NFXL1: variants seen among roughly 807,000 people sequenced by gnomAD.
NFXL1 encodes NF-X1-type zinc finger protein NFXL1.
In NFXL1, 66 loss-of-function variants were observed where a neutral mutation model predicts 123.3. That is an observed-to-expected ratio of 0.54 (90% CI 0.44 to 0.66). The LOEUF (loss-of-function observed/expected upper bound fraction) is 0.66. NFXL1 is among the 30% of genes least tolerant of loss of function. NFXL1 has a pLI of 0.00. For missense variants in NFXL1, 944 were observed against 1,125.6 expected, an observed-to-expected ratio of 0.84 and a Z score of 2.31; for synonymous variants, 346 against 360.8, an observed-to-expected ratio of 0.96 and a Z score of 0.46.
chr4:47,881,114 TATAG>T (rs1736090455), intron 15 of NFXL1, among the ~76,000 whole-genome samples: 1 of 152,066 alleles, frequency 6.6e-6, no homozygotes, highest in African/African-American at 2.4e-5. Flanking sequence ...AATGGATATC[TATAG>T]ATATAGATAT....
At chr4:47,871,777 A>C (rs1020369254) in intron 18 of NFXL1, among the ~76,000 whole-genome samples, 14 of 152,316 alleles carry the variant, frequency 9.2e-5, no homozygotes, top group African/African-American at 3.4e-4. Flanking sequence ...GAAAAGAATA[A>C]AATTTGTCTT....
intron 12 of NFXL1, among the ~76,000 whole-genome samples, chr4:47,886,649 G>A (rs935874299): frequency 1.3e-5 from 2 of 152,086 alleles, no homozygotes; most frequent in Non-Finnish European, 2.9e-5. Context: ...GTGTACAGGC[G>A]TGAGCCACTG....
At chr4:47,911,797 A>C (rs1737839774) in intron 2 of NFXL1, among the ~76,000 whole-genome samples, 1 of 152,224 alleles carries the variant, frequency 6.6e-6, no homozygotes, top group African/African-American at 2.4e-5. Flanking sequence ...AGAAACTTCA[A>C]ACTTCTTGAG....
At chr4:47,900,481 A>C (rs1737311760) in intron 5 of NFXL1, among the ~76,000 whole-genome samples, 1 of 152,254 alleles carries the variant, frequency 6.6e-6, no homozygotes, top group South Asian at 2.1e-4. Context: ...AAGTGCTGGG[A>C]TTACAGGCGT....
chr4:47,898,640 G>C, intron 8 of NFXL1, 117 bp downstream of exon 8: 1 of 666,984 alleles, frequency 1.5e-6, no homozygotes, highest in Non-Finnish European at 2.7e-6. Context: ...ATTCATCTGA[G>C]TTGCTATTCT....
At chr4:47,893,937 A>C (rs1421666228) in intron 11 of NFXL1, among the ~76,000 whole-genome samples, 1 of 151,918 alleles carries the variant, frequency 6.6e-6, no homozygotes, top group Non-Finnish European at 1.5e-5. Context: ...GTGATCAGAA[A>C]TATCAAGCTG....
At chr4:47,899,704 A>T (rs1737278597) in intron 5 of NFXL1, among the ~76,000 whole-genome samples, 156 bp from the exon 6 acceptor site, 1 of 152,212 alleles carries the variant, frequency 6.6e-6, no homozygotes, top group Non-Finnish European at 1.5e-5. Flanking sequence ...ATCTTATTAA[A>T]ATCTATTTCA....
chr4:47,906,884 ACT>A (rs1474389406), intron 3 of NFXL1, among the ~76,000 whole-genome samples: 3 of 152,204 alleles, frequency 2.0e-5, no homozygotes, highest in East Asian at 3.8e-4. Context: ...TAAAAAGATG[ACT>A]CTGGCAACTA....
At chr4:47,854,388 C>A (rs940451051) in intron 20 of NFXL1, among the ~76,000 whole-genome samples, 6 of 151,938 alleles carry the variant, frequency 3.9e-5, no homozygotes, top group Non-Finnish European at 7.4e-5. Context: ...GTAAGCACTG[C>A]CAACAGGGAA....
At chr4:47,887,420 A>C (rs1560596031) in intron 12 of NFXL1, among the ~76,000 whole-genome samples, 1 of 152,232 alleles carries the variant, frequency 6.6e-6, no homozygotes, top group Non-Finnish European at 1.5e-5. Flanking sequence ...TTATAATTCA[A>C]ATAATGAACA....
At position 47,880,055 on chromosome 4, in the gene NFXL1, G is replaced by A. The variant is rs118184267; in HGVS notation, c.1917-938C>T. Among the ~76,000 whole-genome samples the A allele has an allele frequency of 2.4e-4, 37 of 151,970 alleles. No homozygotes were observed. The East Asian group carries it at 6.2e-3, about 25-fold the overall frequency. On this transcript the variant is annotated intron_variant, in intron 15 of 22. Transcript: ENST00000507489. The stretch of plus-strand genomic sequence containing the variant: ...CATGAAATAAAAATGGATGATAGAC[G>A]TCATTATACTAAAAATTACAGCTCT...
intron 11 of NFXL1, 50 bp from the exon 12 acceptor site, chr4:47,890,753 T>A: frequency 1.0e-6 from 1 of 995,574 alleles, no homozygotes; most frequent in African/African-American, 1.6e-5. Flanking sequence ...AACCCATGAA[T>A]AATAGGCATG....
rs1184404527 is a variant in NFXL1 at position 47,884,350 on chromosome 4, G to T, written c.1912C>A (p.Pro638Thr). ...LPCPPCQVPI[P>T]MECLGKHEVS... ...AATTGAAATTCTAATACTTACATAGGAATAGGAACTTGACATGGAGGACAC... is the reference window on the plus strand; with the variant it reads ...AATTGAAATTCTAATACTTACATAGTAATAGGAACTTGACATGGAGGACAC... Residue 638 changes from proline to threonine, a missense_variant, in exon 15 of 23, where the codon CCT (proline) becomes ACT (threonine). By Grantham distance (38) the Pro-to-Thr change is conservative (BLOSUM62 -1). Coordinates refer to ENST00000507489, the MANE Select transcript of NFXL1 (RefSeq NM_001278624.2). The T allele has an allele frequency of 1.5e-5, 23 of 1,567,190 alleles. No homozygotes were observed. The highest frequency in any genetic ancestry group is 3.4e-5 in the Admixed American group (2 of 58,322).
At chr4:47,851,017 C>T (rs1734087168) in intron 22 of NFXL1, 78 bp downstream of exon 22, 17 of 1,073,704 alleles carry the variant, frequency 1.6e-5, no homozygotes, top group Admixed American at 7.0e-5. Flanking sequence ...TTAGTTTGAC[C>T]TTGGAATATA....
chr4:47,908,247 C>G (rs1190439516), intron 3 of NFXL1, among the ~76,000 whole-genome samples: 1 of 152,108 alleles, frequency 6.6e-6, no homozygotes, highest in Non-Finnish European at 1.5e-5. Flanking sequence ...CAGGAAAACA[C>G]TGTCTCTACA....
chr4:47,884,596 T>A (rs542335649), intron 14 of NFXL1, among the ~76,000 whole-genome samples, 159 bp from the exon 15 acceptor site: 31 of 152,350 alleles, frequency 2.0e-4, no homozygotes, highest in Admixed American at 2.0e-3. Flanking sequence ...TCATTTTATC[T>A]GTATTAAATG....
chr4:47,859,841 C>CA lies in NFXL1; in HGVS notation c.2316+3004dup, dbSNP rs938207203. On this transcript the variant is annotated intron_variant, in intron 19 of 22. Transcript: ENST00000507489. ...CAGGCAACAGAGTGAGACTCCATCTCAAAAAAAAAAAAAAAAAAAAAAAAA... is the reference window on the plus strand; with the variant it reads ...CAGGCAACAGAGTGAGACTCCATCTCAAAAAAAAAAAAAAAAAAAAAAAAAA... Among the ~76,000 whole-genome samples, 52 of 14,304 alleles carry CA rather than the reference C, an allele frequency of 3.6e-3. 7 individuals are homozygous for CA. Among genetic ancestry groups the CA allele is most frequent in the African/African-American group, 6.6e-3 (26 of 3,938 alleles). The allele number at this position is 14,304 out of a possible 152,430, so 9.4% of individuals were successfully genotyped here. A position where few individuals can be genotyped will look rare whatever the true frequency, so the allele number is the denominator to read the frequency against.
chr4:47,853,922 G>A (rs1461953197), intron 20 of NFXL1, among the ~76,000 whole-genome samples: 7 of 152,216 alleles, frequency 4.6e-5, no homozygotes, highest in East Asian at 3.9e-4. Flanking sequence ...AATGGGTCAC[G>A]AAGTTGTGGC....
intron 11 of NFXL1, among the ~76,000 whole-genome samples, 167 bp downstream of exon 11, chr4:47,894,013 C>A (rs958133561): frequency 6.6e-6 from 1 of 151,856 alleles, no homozygotes; most frequent in Non-Finnish European, 1.5e-5. Flanking sequence ...CCCACTAGTA[C>A]AAAAATTACC....
Sources: gnomAD v4.1 joint callset for allele counts (sites outside exome capture counted in the v4.1 genomes callset) on GRCh38, gnomAD v4.1.1 for gene constraint, MANE v1.5 for transcripts, NCBI Gene and HGNC (gene_info 2026-07-23, HGNC 2026-07-21) for gene names.